NEDD9: variants seen among roughly 807,000 people sequenced by gnomAD.
NEDD9 encodes neural precursor cell expressed, developmentally down-regulated 9.
Under a neutral mutation model 76.6 loss-of-function variants are expected in NEDD9, and 26 were observed. That is an observed-to-expected ratio of 0.34 (90% CI 0.25 to 0.47). NEDD9 has a LOEUF of 0.47. Ranked by LOEUF, NEDD9 falls within the 20% of genes least tolerant of loss-of-function variation. The pLI, the probability that NEDD9 is intolerant of heterozygous loss-of-function variation, is 1.00. For missense variants in NEDD9, 937 were observed against 1,058.5 expected (o/e 0.89, Z 1.59); for synonymous variants, 392 against 414.2 (o/e 0.95, Z 0.65).
At chr6:11,368,271 T>A (rs539842505) in intron 1 of NEDD9, among the ~76,000 whole-genome samples, 3 of 152,232 alleles carry the variant, frequency 2.0e-5, no homozygotes, top group East Asian at 3.8e-4. Context: ...AATTTACAGA[T>A]AAAATAAAAT....
In NEDD9 at chr6:11,190,258, C is replaced by G; in HGVS notation, c.1611G>C (p.Thr537=). 1.9e-6 allele frequency: 3 copies of G among 1,614,242 alleles called. No homozygotes were observed. In the South Asian group the frequency reaches 3.3e-5, roughly 18 times the overall value. The change falls in exon 5 of 7, where the codon ACG becomes ACC. Residue 537 remains threonine, a synonymous_variant. Transcript: ENST00000379446. The surrounding 1 kb of genome is among the most constrained non-coding windows in gnomAD (Gnocchi z 5.8). The stretch of plus-strand genomic sequence containing the variant: ...TGAGCTGCTTGGCGTCATCGGGCAC[C>G]GTCTTTGCCACCATCACAAACCGGT... The part of the protein sequence containing the change: ...DLDRFVMVAK[T]VPDDAKQLTT...
At chr6:11,348,873 T>C (rs1391936620) in intron 1 of NEDD9, among the ~76,000 whole-genome samples, 1 of 152,158 alleles carries the variant, frequency 6.6e-6, no homozygotes, top group African/African-American at 2.4e-5. Context: ...GGCAAAGATT[T>C]CATGACAAAG....
intron 3 of NEDD9, among the ~76,000 whole-genome samples, chr6:11,243,742 G>T (rs1759754311): frequency 6.6e-6 from 1 of 152,002 alleles, no homozygotes; most frequent in Admixed American, 6.6e-5. Context: ...CCTTTTCCTT[G>T]TGTATTTTCT....
intron 2 of NEDD9, among the ~76,000 whole-genome samples, chr6:11,308,526 C>T (rs111610274): frequency 0.017 from 2,642 of 151,888 alleles, 80 homozygotes; most frequent in African/African-American, 0.061. Flanking sequence ...CCCGCCACTA[C>T]GCTGGGCTAA....
intron 3 of NEDD9, among the ~76,000 whole-genome samples, chr6:11,276,393 G>GTGCA (rs1561813802): frequency 1.3e-5 from 2 of 152,148 alleles, no homozygotes; most frequent in Non-Finnish European, 2.9e-5. Flanking sequence ...GTGTGTGTGC[G>GTGCA]TGCATGTGTG....
chr6:11,308,561 G>C (rs987142013), intron 2 of NEDD9, among the ~76,000 whole-genome samples: 3 of 151,798 alleles, frequency 2.0e-5, no homozygotes, highest in African/African-American at 7.3e-5. Flanking sequence ...AGTAGAGACG[G>C]GGTTTCATCG....
chr6:11,265,021 T>G (rs1176693784), intron 3 of NEDD9, among the ~76,000 whole-genome samples: 1 of 152,242 alleles, frequency 6.6e-6, no homozygotes, highest in East Asian at 1.9e-4. Flanking sequence ...TTTGCACATT[T>G]TCTTAAATTA....
chr6:11,284,337 C>T (rs1403965575), intron 3 of NEDD9, among the ~76,000 whole-genome samples: 4 of 145,088 alleles, frequency 2.8e-5, no homozygotes, highest in African/African-American at 1.0e-4. Context: ...AGGCAGATCA[C>T]GAGGTCAGGA....
intron 3 of NEDD9, among the ~76,000 whole-genome samples, chr6:11,258,144 A>C (rs747205820): frequency 1.3e-5 from 2 of 152,184 alleles, no homozygotes; most frequent in Admixed American, 1.3e-4. Flanking sequence ...GAGAAACTCA[A>C]ATTTTATCAC....
chr6:11,356,617 C>T (rs949404975), intron 1 of NEDD9, among the ~76,000 whole-genome samples: 1 of 152,076 alleles, frequency 6.6e-6, no homozygotes, highest in Non-Finnish European at 1.5e-5. Context: ...ATTTGCATTC[C>T]TAAGATACTC....
chr6:11,279,697 C>T (rs894413308), intron 3 of NEDD9, among the ~76,000 whole-genome samples: 16 of 152,056 alleles, frequency 1.1e-4, no homozygotes, highest in African/African-American at 3.9e-4. Flanking sequence ...GCTCAGGGCT[C>T]CCCCTTGCAT....
At chr6:11,311,335 A>G (rs1293530292) in intron 2 of NEDD9, among the ~76,000 whole-genome samples, 1 of 152,222 alleles carries the variant, frequency 6.6e-6, no homozygotes, top group African/African-American at 2.4e-5. Flanking sequence ...AAGAGGAGCA[A>G]TACGGAGAGG....
intron 2 of NEDD9, among the ~76,000 whole-genome samples, chr6:11,329,787 T>C (rs1761997005): frequency 6.6e-6 from 1 of 151,984 alleles, no homozygotes; most frequent in Non-Finnish European, 1.5e-5. Flanking sequence ...GTTACTGGCA[T>C]GTAGGGGATA....
At chr6:11,347,739 A>G (rs908552362) in intron 1 of NEDD9, among the ~76,000 whole-genome samples, 9 of 152,196 alleles carry the variant, frequency 5.9e-5, no homozygotes, top group African/African-American at 2.2e-4. Flanking sequence ...ATAAAATTCA[A>G]CATCCCTTCA....
intron 1 of NEDD9, among the ~76,000 whole-genome samples, chr6:11,374,408 C>A (rs934806114): frequency 6.6e-6 from 1 of 152,164 alleles, no homozygotes; most frequent in African/African-American, 2.4e-5. Flanking sequence ...GATAGTGTGA[C>A]AGAAGGCACC....
intron 3 of NEDD9, among the ~76,000 whole-genome samples, chr6:11,300,782 G>T (rs1761027859): frequency 6.6e-6 from 1 of 152,132 alleles, no homozygotes; most frequent in Non-Finnish European, 1.5e-5. Context: ...AAGTGAAGGA[G>T]AAATAAAATC....
chr6:11,204,772 CTT>C (rs1175064934), intron 2 of NEDD9, among the ~76,000 whole-genome samples: 2 of 146,848 alleles, frequency 1.4e-5, no homozygotes, highest in Non-Finnish European at 3.0e-5. Context: ...AAAGAAAAGA[CTT>C]TTCTGTGTGG....
intron 2 of NEDD9, among the ~76,000 whole-genome samples, chr6:11,202,272 C>T (rs531516097): frequency 3.3e-5 from 5 of 152,138 alleles, no homozygotes; most frequent in Non-Finnish European, 5.9e-5. Flanking sequence ...TCTCTCTTTG[C>T]GTTTCATGAA....
chr6:11,186,222 C>T (rs546618181), intron 6 of NEDD9, among the ~76,000 whole-genome samples: 1 of 152,010 alleles, frequency 6.6e-6, no homozygotes, highest in South Asian at 2.1e-4. Flanking sequence ...ATGTTATGAT[C>T]CAGCACTACA....
Sources: allele counts gnomAD v4.1 joint callset (sites outside exome capture counted in the v4.1 genomes callset), GRCh38; gene constraint gnomAD v4.1.1; non-coding constraint Gnocchi (gnomAD v3.1); transcripts MANE v1.5; gene names NCBI Gene and HGNC (gene_info 2026-07-23, HGNC 2026-07-21).